Variants in DTNB observed in about 807,000 individuals in gnomAD.
The protein encoded by DTNB is DTN-B.
A neutral mutation model predicts 90.7 loss-of-function variants in DTNB; 63 were observed. The ratio of observed to expected loss-of-function variants is 0.69; its 90% CI spans 0.57 to 0.86. DTNB has a LOEUF of 0.86. Ranked by LOEUF, DTNB falls within the 40% of genes least tolerant of loss-of-function variation. The pLI is 0.00. For missense variants in DTNB, 744 were observed against 807.1 expected (o/e 0.92, Z 0.95); for synonymous variants, 277 against 286.7 (o/e 0.97, Z 0.34).
chr2:25,640,351 G>A (rs2077983091), intron 2 of DTNB, among the ~76,000 whole-genome samples: 2 of 152,058 alleles, frequency 1.3e-5, no homozygotes, highest in African/African-American at 4.8e-5. Context: ...AGTATTTATA[G>A]GCATCTCTCA....
chr2:25,537,228 A>C (rs1261572532), intron 8 of DTNB, among the ~76,000 whole-genome samples: 1 of 152,174 alleles, frequency 6.6e-6, no homozygotes, highest in Non-Finnish European at 1.5e-5. Flanking sequence ...AGTAGATGCA[A>C]TCAGAGGACA....
chr2:25,641,758 T>C (rs972853903), intron 2 of DTNB, among the ~76,000 whole-genome samples: 1 of 152,156 alleles, frequency 6.6e-6, no homozygotes, highest in South Asian at 2.1e-4. Context: ...GCAAACACCT[T>C]TGATTTCCAG....
At chr2:25,575,195 A>G (rs1283925518) in intron 8 of DTNB, among the ~76,000 whole-genome samples, 2 of 151,998 alleles carry the variant, frequency 1.3e-5, no homozygotes, top group African/African-American at 2.4e-5. Context: ...AAGGTAAAAC[A>G]GCAAAAACTA....
chr2:25,572,425 C>T (rs2151300084), intron 8 of DTNB, among the ~76,000 whole-genome samples: 1 of 151,632 alleles, frequency 6.6e-6, no homozygotes, highest in African/African-American at 2.4e-5. Context: ...CGAGATCGCG[C>T]CACTGCACTC....
At chr2:25,451,423 G>A (rs931658580) in intron 12 of DTNB, 125 bp downstream of exon 12, 4 of 997,058 alleles carry the variant, frequency 4.0e-6, no homozygotes, top group Non-Finnish European at 5.7e-6. Context: ...CTTAGCATGT[G>A]GAAAAGTGGA....
chr2:25,518,217 T>TA lies in DTNB; in HGVS notation c.1001+13255dup, dbSNP rs560676637. On this transcript the variant is annotated intron_variant, in intron 9 of 20. Transcript: ENST00000406818. ...TTTTATATTATTTTTTTATCCACAA[T>TA]AAAAAAAAAGAATACTAAGGGATGA... 2.1e-4 allele frequency among the ~76,000 whole-genome samples: 31 copies of TA among 150,498 alleles called. 1 individual carries two copies. The South Asian group carries it at 3.6e-3, about 17-fold the overall frequency.
intron 8 of DTNB, among the ~76,000 whole-genome samples, chr2:25,549,767 C>T (rs1282757962): frequency 6.6e-6 from 1 of 151,998 alleles, no homozygotes; most frequent in East Asian, 1.9e-4. Flanking sequence ...CTCAAGCAAT[C>T]CTCCCACCTC....
chr2:25,534,738 C>A (rs535378474), intron 8 of DTNB, among the ~76,000 whole-genome samples: 65 of 135,782 alleles, frequency 4.8e-4, no homozygotes, highest in African/African-American at 1.7e-3. Flanking sequence ...ACATTCCAGA[C>A]GATGGGCGGC....
At chr2:25,403,264 C>T (rs906700950) in intron 16 of DTNB, among the ~76,000 whole-genome samples, 17 of 152,126 alleles carry the variant, frequency 1.1e-4, no homozygotes, top group African/African-American at 2.4e-4. Flanking sequence ...TACGGGCGCC[C>T]GCCACCACAC....
intron 9 of DTNB, among the ~76,000 whole-genome samples, chr2:25,521,512 T>C (rs1459600439): frequency 6.6e-6 from 1 of 151,678 alleles, no homozygotes; most frequent in East Asian, 1.9e-4. Context: ...GCCTCCTGAG[T>C]AGCTGAGATT....
chr2:25,425,081 T>C (rs142166066), intron 15 of DTNB, among the ~76,000 whole-genome samples: 2 of 152,278 alleles, frequency 1.3e-5, no homozygotes, highest in African/African-American at 4.8e-5. Flanking sequence ...TCCCTGCTGT[T>C]TAGATGAGGG....
intron 1 of DTNB, among the ~76,000 whole-genome samples, chr2:25,662,696 A>ACACG: frequency 6.6e-6 from 1 of 150,918 alleles, no homozygotes; most frequent in Non-Finnish European, 1.5e-5. Context: ...ACACACACAC[A>ACACG]CACACACACA....
At chr2:25,441,208 T>G (rs540968275) in intron 12 of DTNB, among the ~76,000 whole-genome samples, 3 of 152,222 alleles carry the variant, frequency 2.0e-5, no homozygotes, top group Non-Finnish European at 1.5e-5. Context: ...GCAATCTGTA[T>G]TGAACCAGGT....
At chr2:25,431,253 G>A (rs1277001474) in intron 14 of DTNB, among the ~76,000 whole-genome samples, 1 of 151,574 alleles carries the variant, frequency 6.6e-6, no homozygotes, top group East Asian at 1.9e-4. Context: ...CCAGGCTGGA[G>A]TGCAATGGCA....
At chr2:25,476,378 C>T (rs974532433) in intron 10 of DTNB, among the ~76,000 whole-genome samples, 11 of 152,174 alleles carry the variant, frequency 7.2e-5, no homozygotes, top group African/African-American at 2.2e-4. Flanking sequence ...ATAATTTTGA[C>T]TTTCAAGTCT....
chr2:25,444,707 C>T (rs17046999), intron 12 of DTNB, among the ~76,000 whole-genome samples: 2,383 of 152,130 alleles, frequency 0.016, 68 homozygotes, highest in African/African-American at 0.054. Flanking sequence ...TGCTACAGGG[C>T]GCACTGCTGG....
intron 8 of DTNB, among the ~76,000 whole-genome samples, chr2:25,542,973 T>C (rs1432907200): frequency 6.6e-6 from 1 of 152,198 alleles, no homozygotes; most frequent in Non-Finnish European, 1.5e-5. Context: ...AGTTTGAAAA[T>C]GTATTTCTCA....
At chr2:25,400,999 A>G (rs2043577817) in intron 16 of DTNB, among the ~76,000 whole-genome samples, 1 of 152,200 alleles carries the variant, frequency 6.6e-6, no homozygotes, top group Admixed American at 6.5e-5. Context: ...CAGAAATTAC[A>G]AAATCAGAGG....
Position 25,514,586 on chromosome 2 carries a change from A to G in DTNB, c.1001+16887T>C, listed in dbSNP as rs1332790038. Among the ~76,000 whole-genome samples, 17 of 147,810 alleles carry G rather than the reference A, an allele frequency of 1.2e-4. No individual in the cohort carries two copies. In the Admixed American group the frequency reaches 1.2e-3, roughly 10 times the overall value. On this transcript the variant is annotated intron_variant, in intron 9 of 20. Coordinates refer to ENST00000406818, the MANE Select transcript of DTNB (RefSeq NM_021907.5). ...ACGAATTTACTAGATCTGAATTTTC[A>G]TCTCTGAATTTTCTTTGCATACATC...
Sources: gnomAD v4.1 joint callset for allele counts (sites outside exome capture counted in the v4.1 genomes callset) on GRCh38, gnomAD v4.1.1 for gene constraint, MANE v1.5 for transcripts, NCBI Gene and HGNC (gene_info 2026-07-23, HGNC 2026-07-21) for gene names.